EDN2: variants seen among roughly 807,000 people sequenced by gnomAD.
EDN2 encodes the protein endothelin 2.
In EDN2, 10 loss-of-function variants were observed where a neutral mutation model predicts 19.9. The ratio of observed to expected loss-of-function variants is 0.50; its 90% confidence interval spans 0.31 to 0.85. The LOEUF (loss-of-function observed/expected upper bound fraction) is 0.85. Ranked by LOEUF, EDN2 falls within the 40% of genes least tolerant of loss-of-function variation. The pLI, the probability that EDN2 is intolerant of heterozygous loss-of-function variation, is 0.05. For synonymous variants in EDN2, 84 were observed against 94.9 expected, an observed-to-expected ratio of 0.89 and a Z score of 0.67; for missense variants, 222 against 239.3, an observed-to-expected ratio of 0.93 and a Z score of 0.48.
At chr1:41,481,793 G>C (rs905469616) in intron 3 of EDN2, among the ~76,000 whole-genome samples, 1 of 152,022 alleles carries the variant, frequency 6.6e-6, no homozygotes, top group Non-Finnish European at 1.5e-5. Context: ...CACCCGCCTC[G>C]GACTCCCAAA....
rs1053308924 is a variant in EDN2 at position 41,479,078 on chromosome 1, C to T, written c.*331G>A. ...CTGCACGGTTGCTCCTGGTTTGTAG[C>T]CCAGCAGACAGGACACTCCTCAGGA... On this transcript the variant is annotated 3_prime_UTR_variant, in exon 5 of 5. Coordinates refer to ENST00000372587, the MANE Select transcript of EDN2 (RefSeq NM_001956.5). 2.6e-5 allele frequency: 10 copies of T among 391,408 alleles called. No individual in the cohort carries two copies. Among genetic ancestry groups the T allele is most frequent in the African/African-American group, 1.7e-4 (8 of 48,240 alleles). 24.2% of individuals were successfully genotyped at this position (391,408 alleles called of 1,614,324 possible).
intron 2 of EDN2, among the ~76,000 whole-genome samples, chr1:41,483,330 TG>T (rs1407913417): frequency 6.6e-6 from 1 of 152,210 alleles, no homozygotes; most frequent in Non-Finnish European, 1.5e-5. Flanking sequence ...CCTAAGCAAG[TG>T]TTTGGATGCG....
In EDN2 at chr1:41,479,068, T is replaced by A. The variant is rs1644223999; in HGVS notation, c.*341A>T. On this transcript the variant is annotated 3_prime_UTR_variant, in exon 5 of 5. Transcript: ENST00000372587. ...GTGTTCGTGGCTGCACGGTTGCTCC[T>A]GGTTTGTAGCCCAGCAGACAGGACA... 1 of 381,400 alleles carries A rather than the reference T, an allele frequency of 2.6e-6. No homozygotes were observed. The highest frequency in any genetic ancestry group is 3.6e-5 in the Admixed American group (1 of 27,898). 23.6% of individuals were successfully genotyped at this position (381,400 alleles called of 1,614,324 possible).
In EDN2 at chr1:41,482,560, G is replaced by A. The variant is rs768322245; in HGVS notation, c.250C>T (p.Pro84Ser). 3 of 1,589,430 alleles carry A rather than the reference G, an allele frequency of 1.9e-6. No individual in the cohort carries two copies. In the South Asian group the frequency reaches 3.4e-5, roughly 18 times the overall value. The change falls in exon 3 of 5, where the codon CCG (proline) becomes TCG (serine). Residue 84 changes from proline (P) to serine (S), a missense_variant. Pro to Ser is a moderately conservative substitution (Grantham distance 74). Transcript: ENST00000372587. ...AGGGAGCGGCGCCGGCGTCTTGGCG[G>A]GTTTCCCAGGCCGTAAGGAGCTGTC... Reference protein sequence around the residue: ...EQTAPYGLGNPPRRRRRSLPR... With the variant: ...EQTAPYGLGNSPRRRRRSLPR...
chr1:41,484,470 C>G, intron 1 of EDN2, 68 bp downstream of exon 1: 1 of 1,539,182 alleles, frequency 6.5e-7, no homozygotes, highest in Non-Finnish European at 8.8e-7. Context: ...GGCACTGCAG[C>G]CCTAGAGGGA....
At chr1:41,480,459 A>C (rs936753720) in intron 4 of EDN2, among the ~76,000 whole-genome samples, 1 of 152,294 alleles carries the variant, frequency 6.6e-6, no homozygotes, top group East Asian at 1.9e-4. Context: ...GCGGGGATGG[A>C]TGGCACAATT....
chr1:41,483,789 T>G (rs1328159735), intron 2 of EDN2: 1 of 415,614 alleles, frequency 2.4e-6, no homozygotes, highest in Non-Finnish European at 4.4e-6. Context: ...TCTCTGAGCC[T>G]CAGCACTTGA....
rs753329833 is a variant in EDN2 at position 41,482,471 on chromosome 1, C to A, written c.339G>T (p.Arg113Ser). 6.2e-7 allele frequency: 1 copy of A among 1,600,196 alleles called. No individual in the cohort carries two copies. Among genetic ancestry groups the A allele is most frequent in the East Asian group, 2.3e-5 (1 of 42,748 alleles). The change falls in exon 3 of 5, where the codon AGG (arginine) becomes AGT (serine). Residue 113 changes from arginine to serine, a missense_variant. By Grantham distance (110) the Arg-to-Ser change is moderately radical. Coordinates refer to ENST00000372587, the MANE Select transcript of EDN2 (RefSeq NM_001956.5). ...DPACATFCLR[R>S]PWTEAGAVPS... ...CAGGCTGGGTGCCCACCTACCAGGG[C>A]CTTCGAAGGCAGAAGGTGGCACAGG...
chr1:41,484,324 C>T lies in EDN2; in HGVS notation c.65-121G>A, dbSNP rs971503948. 5.1e-6 allele frequency: 7 copies of T among 1,370,990 alleles called. No homozygotes were observed. The African/African-American group carries it at 5.8e-5, about 11-fold the overall frequency. 84.9% of individuals were successfully genotyped at this position (1,370,990 alleles called of 1,614,324 possible). Reference sequence around the variant, plus strand: ...ATCGAGGGAGTTGGCACTCTTGCTGCTCAAGAGCTCCAGGCCAGCCCAGGG... The same window carrying T: ...ATCGAGGGAGTTGGCACTCTTGCTGTTCAAGAGCTCCAGGCCAGCCCAGGG... On this transcript the variant is annotated intron_variant, in intron 1 of 4. Coordinates refer to ENST00000372587, the MANE Select transcript of EDN2 (RefSeq NM_001956.5).
chr1:41,484,106 C>A lies in EDN2; in HGVS notation c.162G>T (p.Trp54Cys), dbSNP rs1292475602. The A allele has an allele frequency of 6.2e-7, 1 of 1,613,754 alleles. No homozygotes were observed. The change falls in exon 2 of 5, where the codon TGG becomes TGT. Residue 54 changes from tryptophan (W) to cysteine (C), a missense_variant. Trp to Cys is a radical substitution (Grantham distance 215, BLOSUM62 -2). Transcript: ENST00000372587. The stretch of plus-strand genomic sequence containing the variant: ...AGAAGTAGACGCACTCCTTGTCGAG[C>A]CAGGAGCTGCAGGAGCAACGGCGAA... Reference protein sequence around the residue: ...LRLRRCSCSSWLDKECVYFCH... With the variant: ...LRLRRCSCSSCLDKECVYFCH...
Position 41,484,571 on chromosome 1 carries a change from C to T in EDN2, c.31G>A (p.Val11Ile), listed in dbSNP as rs201073770. The T allele has an allele frequency of 6.3e-5, 98 of 1,559,552 alleles. No individual in the cohort carries two copies. The African/African-American group carries it at 9.5e-4, about 15-fold the overall frequency. ...AGGGCCACGAGCAGGGCTAGCGCAA[C>T]GGAGCACCAGGTGGTAGGCACGGAG... MVSVPTTWCS[V>I]ALALLVALHE... is the part of the protein sequence containing the mutation. Residue 11 changes from valine to isoleucine, a missense_variant, in exon 1 of 5, where the codon GTT becomes ATT. By Grantham distance (29) the Val-to-Ile change is conservative. Coordinates refer to ENST00000372587, the MANE Select transcript of EDN2 (RefSeq NM_001956.5).
chr1:41,484,625 G>A lies in EDN2; in HGVS notation c.-24C>T. The A allele has an allele frequency of 2.6e-6, 4 of 1,552,790 alleles. No individual in the cohort carries two copies. Among genetic ancestry groups the A allele is most frequent in the East Asian group, 2.4e-5 (1 of 41,036 alleles). The stretch of plus-strand genomic sequence containing the variant: ...ATAGCGGCGGTGGAGCGCGCAGGCT[G>A]GACTGGAGCAGGGAGTGCCTGTTGC... On this transcript the variant is annotated 5_prime_UTR_variant, in exon 1 of 5. Coordinates refer to ENST00000372587, the MANE Select transcript of EDN2 (RefSeq NM_001956.5).
At chr1:41,483,635 G>A (rs1480847149) in intron 2 of EDN2, 1 of 175,512 alleles carries the variant, frequency 5.7e-6, no homozygotes, top group Non-Finnish European at 1.2e-5. Context: ...CATAGTCAAA[G>A]CACGGGTGCT....
intron 2 of EDN2, among the ~76,000 whole-genome samples, chr1:41,483,574 G>A (rs1032344666): frequency 1.3e-5 from 2 of 152,194 alleles, no homozygotes; most frequent in Admixed American, 6.5e-5. Flanking sequence ...GGGGAGGATG[G>A]GGGGGCTCCT....
chr1:41,483,980 C>A, intron 2 of EDN2, 67 bp downstream of exon 2: 1 of 1,496,868 alleles, frequency 6.7e-7, no homozygotes, highest in South Asian at 1.3e-5. Context: ...CCCTAGCATG[C>A]CAGTAGCTTC....
chr1:41,483,778 C>T (rs1314518684), intron 2 of EDN2: 2 of 365,272 alleles, frequency 5.5e-6, no homozygotes, highest in African/African-American at 2.1e-5. Context: ...GGCGCTTAAG[C>T]TCTCTGAGCC....
chr1:41,481,912 T>G (rs1188093950), intron 3 of EDN2, among the ~76,000 whole-genome samples: 1 of 152,098 alleles, frequency 6.6e-6, no homozygotes, highest in Non-Finnish European at 1.5e-5. Context: ...GAACAAAGCC[T>G]CCCACCACTT....
chr1:41,482,357 C>T, intron 3 of EDN2, 109 bp downstream of exon 3: 1 of 1,335,998 alleles, frequency 7.5e-7, no homozygotes, highest in Non-Finnish European at 9.7e-7. Flanking sequence ...TCGCTTCTCA[C>T]CCCCAACTTG....
chr1:41,479,984 C>G (rs1484815800), intron 4 of EDN2, among the ~76,000 whole-genome samples: 1 of 152,200 alleles, frequency 6.6e-6, no homozygotes, highest in African/African-American at 2.4e-5. Flanking sequence ...TGGCCACATC[C>G]TGGCTCAAAG....
Sources: gnomAD v4.1 joint callset for allele counts (sites outside exome capture counted in the v4.1 genomes callset) on GRCh38, gnomAD v4.1.1 for gene constraint, MANE v1.5 for transcripts, NCBI Gene and HGNC (gene_info 2026-07-23, HGNC 2026-07-21) for gene names.